MACROD2: variants seen among roughly 807,000 people sequenced by gnomAD.
The protein encoded by MACROD2 is ADP-ribose glycohydrolase MACROD2.
MACROD2 carries 36 observed loss-of-function variants against 70.4 expected under a neutral mutation model. The ratio of observed to expected loss-of-function variants is 0.51; its 90% CI spans 0.39 to 0.68. The LOEUF (loss-of-function observed/expected upper bound fraction) is 0.68, where lower values mean the gene tolerates loss of function less well. Among genes scored for constraint, MACROD2 ranks in the 30% least tolerant of loss-of-function variants. The pLI is 0.00. For missense variants in MACROD2, 496 were observed against 538.4 expected, an observed-to-expected ratio of 0.92 and a Z score of 0.78; for synonymous variants, 172 against 178.8, an observed-to-expected ratio of 0.96 and a Z score of 0.30.
chr20:14,686,309 T>C (rs1002332428), intron 5 of MACROD2, among the ~76,000 whole-genome samples: 56 of 152,326 alleles, frequency 3.7e-4, no homozygotes, highest in African/African-American at 1.3e-3. Context: ...ACAAAATTCA[T>C]TTATGTTTTA....
At chr20:14,683,918 A>G (rs1190334312) in intron 4 of MACROD2, among the ~76,000 whole-genome samples, 1 of 151,650 alleles carries the variant, frequency 6.6e-6, no homozygotes, top group African/African-American at 2.4e-5. Context: ...CAAATCCTCA[A>G]TTTCCTAATT....
At chr20:15,566,711 C>T (rs1457985015) in intron 8 of MACROD2, among the ~76,000 whole-genome samples, 1 of 152,160 alleles carries the variant, frequency 6.6e-6, no homozygotes, top group Non-Finnish European at 1.5e-5. Flanking sequence ...ATTGCTTAGG[C>T]CAAGAAAACA....
At chr20:14,371,518 CT>C (rs2083323190) in intron 3 of MACROD2, among the ~76,000 whole-genome samples, 1 of 152,024 alleles carries the variant, frequency 6.6e-6, no homozygotes, top group African/African-American at 2.4e-5. Context: ...GAAATAATAA[CT>C]TTGATCATAT....
chr20:14,876,233 A>T (rs2073549162), intron 5 of MACROD2, among the ~76,000 whole-genome samples: 1 of 121,136 alleles, frequency 8.3e-6, no homozygotes, highest in Non-Finnish European at 1.7e-5. Flanking sequence ...AGTGAGGGTG[A>T]TCTTTTTTTC....
intron 5 of MACROD2, among the ~76,000 whole-genome samples, chr20:14,750,235 C>A (rs898851022): frequency 3.3e-5 from 5 of 151,962 alleles, no homozygotes; most frequent in African/African-American, 4.8e-5. Context: ...CATATAAACT[C>A]ATTTGAGATG....
intron 4 of MACROD2, among the ~76,000 whole-genome samples, chr20:14,530,933 T>A (rs1268138118): frequency 6.6e-6 from 1 of 152,228 alleles, no homozygotes; most frequent in Non-Finnish European, 1.5e-5. Flanking sequence ...AAGGTGGTTG[T>A]TAATAATCTG....
chr20:15,521,174 C>T lies in MACROD2; in HGVS notation c.645+21327C>T, dbSNP rs529716577. Among the ~76,000 whole-genome samples, 22 of 152,192 alleles carry T rather than the reference C, an allele frequency of 1.4e-4. No homozygotes were observed. The South Asian group carries it at 4.1e-3, about 29-fold the overall frequency. ...GAGTTTGATCCATGAACTTGAAGCA[C>T]GAGGTGAAGAATCGTGCATCTACAA... On this transcript the variant is annotated intron_variant, in intron 8 of 17. Transcript: ENST00000684519.
At position 15,636,076 on chromosome 20, in the gene MACROD2, GAAA is replaced by G. The variant is rs57402806; in HGVS notation, c.645+136243_645+136245del. Among the ~76,000 whole-genome samples the G allele has an allele frequency of 1.4e-4, 12 of 85,832 alleles. 1 individual carries two copies. The highest frequency in any genetic ancestry group is 2.0e-4 in the Non-Finnish European group (9 of 44,912). The allele number at this position is 85,832 out of a possible 152,430, so 56.3% of individuals were successfully genotyped here. ...GACAGAGCGAGGCTCCCTCTCAAAA[GAAA>G]AAAAAAAAAAAAAGAAAGAAAAGAA... On this transcript the variant is annotated intron_variant, in intron 8 of 17. Transcript: ENST00000684519.
intron 3 of MACROD2, among the ~76,000 whole-genome samples, chr20:14,152,891 G>A (rs968529983): frequency 6.6e-6 from 1 of 152,102 alleles, no homozygotes; most frequent in African/African-American, 2.4e-5. Context: ...TCGTTAAGCA[G>A]TTTTTCATCA....
At chr20:14,097,808 T>C (rs1027172826) in intron 3 of MACROD2, among the ~76,000 whole-genome samples, 7 of 152,228 alleles carry the variant, frequency 4.6e-5, no homozygotes, top group African/African-American at 1.7e-4. Flanking sequence ...TTTATGTTCA[T>C]ATACACCTTA....
intron 2 of MACROD2, among the ~76,000 whole-genome samples, chr20:14,068,577 A>T (rs1033337007): frequency 2.0e-5 from 3 of 152,186 alleles, no homozygotes; most frequent in Non-Finnish European, 2.9e-5. Context: ...ATTCATAGGA[A>T]GTTTTATGAA....
At chr20:15,350,640 A>G (rs2078217737) in intron 6 of MACROD2, among the ~76,000 whole-genome samples, 1 of 152,204 alleles carries the variant, frequency 6.6e-6, no homozygotes, top group Admixed American at 6.5e-5. Context: ...AACTAAATAT[A>G]TTTAATTGTA....
At chr20:15,346,347 G>A (rs1385907520) in intron 6 of MACROD2, among the ~76,000 whole-genome samples, 4 of 152,194 alleles carry the variant, frequency 2.6e-5, no homozygotes, top group African/African-American at 7.2e-5. Flanking sequence ...AAATTGTGAC[G>A]GGGTGGATTT....
intron 3 of MACROD2, among the ~76,000 whole-genome samples, chr20:14,365,877 G>C (rs204634): frequency 0.034 from 5,204 of 152,128 alleles, 296 homozygotes; most frequent in African/African-American, 0.12. Flanking sequence ...GGTTAATATT[G>C]TGTTATTTAA....
chr20:14,443,751 A>G (rs1189267972), intron 3 of MACROD2, among the ~76,000 whole-genome samples: 2 of 152,156 alleles, frequency 1.3e-5, no homozygotes, highest in African/African-American at 4.8e-5. Flanking sequence ...AATTTGAATC[A>G]TGGCTCTGCT....
intron 5 of MACROD2, among the ~76,000 whole-genome samples, chr20:15,020,421 C>T (rs1391316731): frequency 1.3e-5 from 2 of 152,074 alleles, no homozygotes; most frequent in Non-Finnish European, 2.9e-5. Context: ...ATGTTGTGAT[C>T]ATATTTGTTT....
At chr20:14,433,963 C>T (rs2084026695) in intron 3 of MACROD2, among the ~76,000 whole-genome samples, 1 of 152,010 alleles carries the variant, frequency 6.6e-6, no homozygotes, top group Admixed American at 6.6e-5. Context: ...ATTCTTTTAA[C>T]CATGGTCATA....
intron 10 of MACROD2, among the ~76,000 whole-genome samples, chr20:15,922,759 A>C (rs2065429375): frequency 6.6e-6 from 1 of 152,176 alleles, no homozygotes; most frequent in Non-Finnish European, 1.5e-5. Context: ...GTATTCACTC[A>C]TCTGTCTCCC....
chr20:14,943,749 G>A (rs2074408520), intron 5 of MACROD2, among the ~76,000 whole-genome samples: 1 of 152,092 alleles, frequency 6.6e-6, no homozygotes, highest in Non-Finnish European at 1.5e-5. Flanking sequence ...AGTAGATTAT[G>A]CTTCTTGATT....
Sources: gnomAD v4.1 joint callset for allele counts (sites outside exome capture counted in the v4.1 genomes callset) on GRCh38, gnomAD v4.1.1 for gene constraint, MANE v1.5 for transcripts, NCBI Gene and HGNC (gene_info 2026-07-23, HGNC 2026-07-21) for gene names.